F8: variants seen among roughly 807,000 people sequenced by gnomAD.
F8 encodes antihemophilic factor.
Under a neutral mutation model 140.6 loss-of-function variants are expected in F8, and 12 were observed. The observed-to-expected ratio is 0.09, with a 90% CI of 0.05 to 0.14. The LOEUF is 0.14. Among genes scored for constraint, F8 ranks in the 10% least tolerant of loss-of-function variants. F8 has a pLI of 1.00. For synonymous variants in F8, 585 were observed against 614.6 expected (o/e 0.95, Z 0.71); for missense variants, 1,354 against 1,720.7 (o/e 0.79, Z 3.77).
chrX:154,851,253 A>G (rs1557272134), intron 25 of F8, among the ~76,000 whole-genome samples: 1 of 112,807 alleles, frequency 8.9e-6, no homozygotes, highest in East Asian at 2.8e-4. Flanking sequence ...ATAATAGTCC[A>G]TATATGGATA....
intron 1 of F8, among the ~76,000 whole-genome samples, chrX:155,012,683 A>G (rs782508401): frequency 9.1e-6 from 1 of 110,368 alleles, no homozygotes; most frequent in East Asian, 2.8e-4. Flanking sequence ...CCCTTTACCT[A>G]TTAAAAATAG....
chrX:154,951,509 CACTT>C (rs1251453106), intron 12 of F8, among the ~76,000 whole-genome samples: 38 of 111,631 alleles, frequency 3.4e-4, no homozygotes, highest in African/African-American at 6.2e-4. Context: ...ATTCTTTTGA[CACTT>C]ACCATTTTAC....
At chrX:154,983,562 A>G (rs936688248) in intron 6 of F8, among the ~76,000 whole-genome samples, 1 of 111,801 alleles carries the variant, frequency 8.9e-6, no homozygotes, top group Admixed American at 9.5e-5. Flanking sequence ...TCGTAACTGC[A>G]TAAAATTAAC....
At chrX:154,854,859 C>T (rs782498349) in intron 25 of F8, among the ~76,000 whole-genome samples, 17 of 111,687 alleles carry the variant, frequency 1.5e-4, no homozygotes, top group African/African-American at 4.9e-4. Context: ...AGGCTGGGCG[C>T]GGTGGCTCAC....
At chrX:155,004,818 T>C (rs782664475) in intron 1 of F8, among the ~76,000 whole-genome samples, 1 of 111,874 alleles carries the variant, frequency 8.9e-6, no homozygotes, top group East Asian at 2.8e-4. Flanking sequence ...ACCCACTTGA[T>C]AGAGTGGTAG....
intron 5 of F8, among the ~76,000 whole-genome samples, chrX:154,986,450 C>T (rs1183496486): frequency 2.7e-5 from 3 of 110,272 alleles, no homozygotes; most frequent in Non-Finnish European, 3.8e-5. Flanking sequence ...CCACCATGAC[C>T]GGCTGATTTT....
intron 6 of F8, among the ~76,000 whole-genome samples, chrX:154,972,707 C>CTTTTTTT (rs1184930129): frequency 2.5e-4 from 14 of 55,279 alleles, no homozygotes; most frequent in East Asian, 6.0e-4. Flanking sequence ...TTCTGTCTTT[C>CTTTTTTT]TTTTTTTTTT....
chrX:154,987,273 G>A lies in F8; in HGVS notation c.634C>T (p.His212Tyr), dbSNP rs782202271. 3.3e-6 allele frequency: 4 copies of A among 1,210,519 alleles called. No homozygotes were observed. ...ACAGCAAAAAGTAGTATAAATTTGTGCAAGGTCTGTGTCTTTTCCTTGGCC... is the reference window on the plus strand; with the variant it reads ...ACAGCAAAAAGTAGTATAAATTTGTACAAGGTCTGTGTCTTTTCCTTGGCC... ...SLAKEKTQTL[H>Y]KFILLFAVFD... The change falls in exon 5 of 26, where the codon CAC becomes TAC. Residue 212 changes from histidine (H) to tyrosine (Y), a missense_variant. Coordinates refer to ENST00000360256, the MANE Select transcript of F8 (RefSeq NM_000132.4).
chrX:154,989,990 T>C lies in F8; in HGVS notation c.602-2685A>G, dbSNP rs782725508. Among the ~76,000 whole-genome samples, 3 of 112,523 alleles carry C rather than the reference T, an allele frequency of 2.7e-5. No homozygotes were observed. The East Asian group carries it at 8.3e-4, about 31-fold the overall frequency. On this transcript the variant is annotated intron_variant, in intron 4 of 25. Coordinates refer to ENST00000360256, the MANE Select transcript of F8 (RefSeq NM_000132.4). ...AAAATCAATGTTGTGATTACAGATT[T>C]GTACTACTTCAACTTTCTTCATATT...
At chrX:154,898,072 A>G (rs1195049990) in intron 21 of F8, 1 of 112,178 alleles carries the variant, frequency 8.9e-6, no homozygotes, top group Non-Finnish European at 1.9e-5. Flanking sequence ...GTATAAAAGT[A>G]CAAACACTGC....
intron 22 of F8, among the ~76,000 whole-genome samples, chrX:154,875,736 A>AGTGTGTGT (rs35911984): frequency 2.9e-4 from 27 of 93,437 alleles, no homozygotes; most frequent in East Asian, 1.0e-3. Context: ...CTAAGAATGT[A>AGTGTGTGT]GTGTGTGTGT....
chrX:154,961,214 G>A, intron 9 of F8, 46 bp from the exon 10 acceptor site: 1 of 877,474 alleles, frequency 1.1e-6, no homozygotes, highest in Non-Finnish European at 1.7e-6. Context: ...AAACGACTAG[G>A]ATCAACAAGA....
In F8 at chrX:154,953,960, C is replaced by T. The variant is rs782473762; in HGVS notation, c.1835G>A (p.Arg612His). Residue 612 changes from arginine to histidine, a missense_variant, in exon 12 of 26, where the codon CGC becomes CAC. Around this residue, in one of 4 missense-constraint regions of F8, gnomAD observed 252 missense variants for 338.5 expected, o/e 0.74. Coordinates refer to ENST00000360256, the MANE Select transcript of F8 (RefSeq NM_000132.4). ...RSWYLTENIQ[R>H]FLPNPAGVQL... Reference sequence around the variant, plus strand: ...CACTCCAGCTGGATTGGGGAGAAAGCGTTGTATATTCTCTGTGAGGTACCA... The same window carrying T: ...CACTCCAGCTGGATTGGGGAGAAAGTGTTGTATATTCTCTGTGAGGTACCA... The T allele has an allele frequency of 2.5e-5, 30 of 1,209,643 alleles. No homozygotes were observed. Among genetic ancestry groups the T allele is most frequent in the Middle Eastern group, 2.3e-4 (1 of 4,374 alleles).
intron 4 of F8, 119 bp from the exon 5 acceptor site, chrX:154,987,424 G>T (rs1448652296): frequency 6.5e-6 from 4 of 616,873 alleles, no homozygotes; most frequent in Admixed American, 5.7e-5. Flanking sequence ...GTAGTCTTCT[G>T]TCTCTTGATA....
intron 12 of F8, among the ~76,000 whole-genome samples, chrX:154,950,774 GAATATATC>G (rs1329482461): frequency 8.9e-6 from 1 of 111,780 alleles, no homozygotes; most frequent in Non-Finnish European, 1.9e-5. Context: ...CCAGTACTCG[GAATATATC>G]ATCCCACCCT....
intron 13 of F8, among the ~76,000 whole-genome samples, chrX:154,937,650 C>T (rs1211418764): frequency 9.0e-6 from 1 of 110,973 alleles, no homozygotes; most frequent in African/African-American, 3.3e-5. Context: ...TAGAAAAACA[C>T]AATTGACAAA....
At position 154,928,873 on chromosome X, in the gene F8, G is replaced by C; in HGVS notation, c.4917C>G (p.Pro1639=). ...GCTTTGCCCAGGTGACTTCTATTTC[G>C]GGCTTATTTTGTCCCTCATTTATTG... ...IAAINEGQNK[P]EIEVTWAKQG... Residue 1639 remains proline, a synonymous_variant, in exon 14 of 26, where the codon CCC becomes CCG. Transcript: ENST00000360256. The C allele has an allele frequency of 8.3e-7, 1 of 1,211,496 alleles. No individual in the cohort carries two copies. Among genetic ancestry groups the C allele is most frequent in the East Asian group, 3.0e-5 (1 of 33,848 alleles).
intron 22 of F8, among the ~76,000 whole-genome samples, chrX:154,891,157 G>T (rs181614854): frequency 8.9e-6 from 1 of 112,779 alleles, no homozygotes; most frequent in Non-Finnish European, 1.9e-5. Context: ...GATGGGAGTA[G>T]TATTTATGTC....
In F8 at chrX:154,966,469, C is replaced by T; in HGVS notation, c.1228G>A (p.Glu410Lys). 5 of 1,211,381 alleles carry T rather than the reference C, an allele frequency of 4.1e-6. No individual in the cohort carries two copies. The highest frequency in any genetic ancestry group is 4.5e-6 in the Non-Finnish European group (4 of 895,409). ...ACTAAGGGAGCATAGTCCCAGTCCTCCTCTTCAGCAGCAATGTAATGTACC... is the reference window on the plus strand; with the variant it reads ...ACTAAGGGAGCATAGTCCCAGTCCTTCTCTTCAGCAGCAATGTAATGTACC... Reference protein sequence around the residue: ...TWVHYIAAEEEDWDYAPLVLA... With the variant: ...TWVHYIAAEEKDWDYAPLVLA... The change falls in exon 8 of 26, where the codon GAG becomes AAG. Residue 410 changes from glutamate to lysine, a missense_variant. Glu to Lys is a moderately conservative substitution (Grantham distance 56). This residue lies in a region of F8 where 252 missense variants were observed against 338.5 expected (regional missense o/e 0.74). Transcript: ENST00000360256.
Sources: gnomAD v4.1 joint callset for allele counts (sites outside exome capture counted in the v4.1 genomes callset) on GRCh38, gnomAD v4.1.1 for gene constraint, gnomAD v4.1.1 regional missense constraint, MANE v1.5 for transcripts, NCBI Gene and HGNC (gene_info 2026-07-23, HGNC 2026-07-21) for gene names.